MB21D2: variants seen among roughly 807,000 people sequenced by gnomAD.
The protein encoded by MB21D2 is nucleotidyltransferase MB21D2.
In MB21D2, 9 loss-of-function variants were observed where a neutral mutation model predicts 33.3. The observed-to-expected ratio is 0.27, with a 90% CI of 0.16 to 0.47. MB21D2 has a LOEUF of 0.47. Ranked by LOEUF, MB21D2 falls within the 20% of genes least tolerant of loss-of-function variation. The probability of loss-of-function intolerance (pLI) is 0.99; values close to 1 mark genes in which losing one functional copy is unlikely to be tolerated. For missense variants in MB21D2, 540 were observed against 624.6 expected (o/e 0.86, Z 1.44); for synonymous variants, 241 against 236.3 (o/e 1.02, Z -0.18).
At chr3:192,842,892 G>C (rs1368004227) in intron 1 of MB21D2, among the ~76,000 whole-genome samples, 1 of 152,176 alleles carries the variant, frequency 6.6e-6, no homozygotes, top group African/African-American at 2.4e-5. Flanking sequence ...CAGGAAAACT[G>C]ACAAAAGGAC....
At chr3:192,911,865 C>T (rs1056740722) in intron 1 of MB21D2, among the ~76,000 whole-genome samples, 6 of 152,146 alleles carry the variant, frequency 3.9e-5, no homozygotes, top group Admixed American at 3.3e-4. Flanking sequence ...AACAAACTTC[C>T]GAGATGATCC....
At chr3:192,907,014 C>T (rs1311554653) in intron 1 of MB21D2, among the ~76,000 whole-genome samples, 2 of 152,216 alleles carry the variant, frequency 1.3e-5, no homozygotes, top group African/African-American at 4.8e-5. Context: ...TTGAACAGTT[C>T]CCCATGTCAG....
intron 1 of MB21D2, among the ~76,000 whole-genome samples, chr3:192,903,224 G>C (rs1404067583): frequency 1.3e-5 from 2 of 152,174 alleles, no homozygotes; most frequent in African/African-American, 4.8e-5. Flanking sequence ...TCAGGTACAA[G>C]TATCTTTCTT....
At chr3:192,916,124 A>AT (rs1714461128) in intron 1 of MB21D2, among the ~76,000 whole-genome samples, 1 of 146,646 alleles carries the variant, frequency 6.8e-6, no homozygotes, top group African/African-American at 2.6e-5. Flanking sequence ...ATATATATTT[A>AT]ATTCATCTAT....
chr3:192,893,049 GC>G (rs1324341515), intron 1 of MB21D2, among the ~76,000 whole-genome samples: 3 of 152,084 alleles, frequency 2.0e-5, no homozygotes, highest in African/African-American at 7.2e-5. Context: ...ACTGCTCAGG[GC>G]CGCCTTGGTG....
intron 1 of MB21D2, among the ~76,000 whole-genome samples, chr3:192,907,128 A>G (rs1714231644): frequency 6.6e-6 from 1 of 151,994 alleles, no homozygotes; most frequent in Non-Finnish European, 1.5e-5. Context: ...TGTTTCCTGG[A>G]AACAGGGCCT....
intron 1 of MB21D2, among the ~76,000 whole-genome samples, chr3:192,834,806 G>GTTTTT (rs1442263191): frequency 2.4e-5 from 3 of 126,406 alleles, no homozygotes; most frequent in African/African-American, 1.1e-4. Flanking sequence ...TGAGAGGATT[G>GTTTTT]TTCTTTTTTT....
intron 1 of MB21D2, among the ~76,000 whole-genome samples, chr3:192,840,277 C>T (rs1196816472): frequency 6.6e-6 from 1 of 152,098 alleles, no homozygotes; most frequent in African/African-American, 2.4e-5. Flanking sequence ...TAGAAACATA[C>T]ATATTACACA....
At chr3:192,843,715 A>T (rs1037009644) in intron 1 of MB21D2, among the ~76,000 whole-genome samples, 1 of 152,164 alleles carries the variant, frequency 6.6e-6, no homozygotes, top group African/African-American at 2.4e-5. Context: ...TGGCTTTACC[A>T]CTTAGCCATG....
rs752769243 is a variant in MB21D2, at chr3:192,829,051, G to A, written c.212-29401C>T. Among the ~76,000 whole-genome samples, 156 of 152,228 alleles carry A rather than the reference G, an allele frequency of 1.0e-3. 1 individual carries two copies. Among genetic ancestry groups the A allele is most frequent in the Non-Finnish European group, 2.0e-3 (134 of 68,018 alleles). ...CAGAATATTTCCATCACCCCAAAAA[G>A]TTTTCTCACACCCCTTTGCAGTTAA... On this transcript the variant is annotated intron_variant, in intron 1 of 1. Coordinates refer to ENST00000392452, the MANE Select transcript of MB21D2 (RefSeq NM_178496.4).
intron 1 of MB21D2, among the ~76,000 whole-genome samples, chr3:192,862,411 G>C (rs1016321143): frequency 1.3e-5 from 2 of 152,146 alleles, no homozygotes; most frequent in Non-Finnish European, 2.9e-5. Context: ...AGATAAATTT[G>C]GGTTCAATAA....
intron 1 of MB21D2, among the ~76,000 whole-genome samples, chr3:192,886,866 T>C (rs1713743638): frequency 6.6e-6 from 1 of 152,126 alleles, no homozygotes; most frequent in Non-Finnish European, 1.5e-5. Flanking sequence ...CAATGACTAA[T>C]TCAGATTCCA....
At chr3:192,864,913 C>A (rs1409653078) in intron 1 of MB21D2, among the ~76,000 whole-genome samples, 4 of 152,170 alleles carry the variant, frequency 2.6e-5, no homozygotes, top group African/African-American at 9.7e-5. Flanking sequence ...CATTCCTCCT[C>A]CTACACTGCT....
intron 1 of MB21D2, among the ~76,000 whole-genome samples, chr3:192,875,231 C>T (rs1165381200): frequency 6.6e-6 from 1 of 152,072 alleles, no homozygotes; most frequent in East Asian, 1.9e-4. Flanking sequence ...TGCAGCCATT[C>T]CCCTACTCTC....
rs148764155 is a variant in MB21D2 at position 192,822,756 on chromosome 3, C to A, written c.212-23106G>T. On this transcript the variant is annotated intron_variant, in intron 1 of 1. Coordinates refer to ENST00000392452, the MANE Select transcript of MB21D2 (RefSeq NM_178496.4). ...CTTAGAACATCTAATGTAACTGCTTCCTTGTATGGATGAGAACACTGAATG... is the reference window on the plus strand; with the variant it reads ...CTTAGAACATCTAATGTAACTGCTTACTTGTATGGATGAGAACACTGAATG... Among the ~76,000 whole-genome samples, 483 of 152,294 alleles carry A rather than the reference C, an allele frequency of 3.2e-3. 4 individuals carry two copies. Among genetic ancestry groups the A allele is most frequent in the Middle Eastern group, 0.01 (3 of 294 alleles).
intron 1 of MB21D2, among the ~76,000 whole-genome samples, chr3:192,869,332 A>AGG (rs55873840): frequency 6.9e-6 from 1 of 145,322 alleles, no homozygotes; most frequent in African/African-American, 2.7e-5. Flanking sequence ...GAAAAAGGGA[A>AGG]GGAGGGAAGG....
intron 1 of MB21D2, among the ~76,000 whole-genome samples, chr3:192,877,529 T>A (rs1167034117): frequency 6.6e-6 from 1 of 152,206 alleles, no homozygotes; most frequent in Non-Finnish European, 1.5e-5. Context: ...TATCAACTCA[T>A]CCACAATGGC....
chr3:192,897,046 C>T (rs529635335), intron 1 of MB21D2, among the ~76,000 whole-genome samples: 78 of 152,208 alleles, frequency 5.1e-4, no homozygotes, highest in African/African-American at 1.8e-3. Flanking sequence ...AGAAGAGAGA[C>T]AAGGAAAGAG....
chr3:192,799,504 G>C lies in MB21D2; in HGVS notation c.358C>G (p.Leu120Val). The C allele has an allele frequency of 6.2e-7, 1 of 1,614,196 alleles. No individual in the cohort carries two copies. Among genetic ancestry groups the C allele is most frequent in the East Asian group, 2.2e-5 (1 of 44,878 alleles). The change falls in exon 2 of 2, where the codon CTC becomes GTC. Residue 120 changes from leucine to valine, a missense_variant. Coordinates refer to ENST00000392452, the MANE Select transcript of MB21D2 (RefSeq NM_178496.4). The surrounding 1 kb of genome is among the most constrained non-coding windows in gnomAD (Gnocchi z 4.1). ...TGCAGCTTGAGGGCTGGCACCAAGA[G>C]GGTAAAGTCCATATCATAGTCAGTA... ...RGTDYDMDFT[L>V]LVPALKLHDR...
Sources: gnomAD v4.1 joint callset for allele counts (sites outside exome capture counted in the v4.1 genomes callset) on GRCh38, gnomAD v4.1.1 for gene constraint, Gnocchi (gnomAD v3.1) non-coding constraint, MANE v1.5 for transcripts, NCBI Gene and HGNC (gene_info 2026-07-23, HGNC 2026-07-21) for gene names.